The following TEFM variants were observed in gnomAD, a reference collection of about 807,000 sequenced individuals.
TEFM encodes the protein transcription elongation factor of mitochondria.
TEFM carries 14 observed loss-of-function variants against 23.0 expected under a neutral mutation model. That is an observed-to-expected ratio of 0.61 (90% CI 0.40 to 0.95). TEFM has a LOEUF of 0.95. TEFM is among the 40% of genes least tolerant of loss of function. TEFM has a pLI of 0.00. For missense variants in TEFM, 386 were observed against 425.5 expected (o/e 0.91, Z 0.82); for synonymous variants, 155 against 158.3 (o/e 0.98, Z 0.16).
chr17:30,905,557 T>C (rs1910151752), intron 1 of TEFM, among the ~76,000 whole-genome samples: 1 of 152,018 alleles, frequency 6.6e-6, no homozygotes, highest in African/African-American at 2.4e-5. Flanking sequence ...TTCACTTCCA[T>C]TTTCACATTT....
chr17:30,904,076 T>A lies in TEFM; in HGVS notation c.485A>T (p.Glu162Val), dbSNP rs371918239. Residue 162 changes from glutamate to valine, a missense_variant, in exon 2 of 4, where the codon GAA becomes GTA. Transcript: ENST00000581216. ...ACATGAAGAATATACCTTAAGTCTT[T>A]CTCTTTCTATGTCTGGTTTGAGGAG... ...RKLLKPDIER[E>V]RLKAVNSIIS... 6.6e-5 allele frequency: 107 copies of A among 1,612,632 alleles called. No homozygotes were observed. The Middle Eastern group carries it at 9.9e-4, about 15-fold the overall frequency.
At chr17:30,899,711 T>C in intron 3 of TEFM, 105 bp from the exon 4 acceptor site, 1 of 766,942 alleles carries the variant, frequency 1.3e-6, no homozygotes, top group Non-Finnish European at 1.9e-6. Context: ...AATTAGTTAA[T>C]TTATACTATA....
intron 1 of TEFM, among the ~76,000 whole-genome samples, chr17:30,905,580 T>C (rs1910152656): frequency 6.6e-6 from 1 of 152,084 alleles, no homozygotes; most frequent in African/African-American, 2.4e-5. Context: ...GTATCTCATC[T>C]GGTGGAACTA....
intron 1 of TEFM, 56 bp from the exon 2 acceptor site, chr17:30,904,585 G>A: frequency 3.0e-6 from 4 of 1,346,346 alleles, no homozygotes; most frequent in Non-Finnish European, 4.1e-6. Flanking sequence ...TTTGGGGTTA[G>A]TTGCAAGCTT....
Position 30,899,555 on chromosome 17 carries a change from T to C in TEFM, c.697A>G (p.Lys233Glu). 1 of 1,596,646 alleles carries C rather than the reference T, an allele frequency of 6.3e-7. No individual in the cohort carries two copies. The highest frequency in any genetic ancestry group is 8.5e-7 in the Non-Finnish European group (1 of 1,170,438). The part of the protein sequence containing the change: ...MPKADFYVLE[K>E]TGLSIQNSSL... The stretch of plus-strand genomic sequence containing the variant: ...GAGTTCTGAATGGAAAGTCCTGTTT[T>C]TTCCAGAACATAGAAATCTGCTTTA... Residue 233 changes from lysine (K) to glutamate (E), a missense_variant, in exon 4 of 4, where the codon AAA becomes GAA. Physicochemically the swap from Lys to Glu is moderately conservative, Grantham distance 56. Transcript: ENST00000581216.
intron 2 of TEFM, among the ~76,000 whole-genome samples, chr17:30,902,916 G>A (rs1910072439): frequency 6.6e-6 from 1 of 151,594 alleles, no homozygotes; most frequent in South Asian, 2.1e-4. Flanking sequence ...CCCGAGGCAG[G>A]TGGATCACGA....
In TEFM at chr17:30,904,974, G is replaced by C. The variant is rs998228081; in HGVS notation, c.32-445C>G. On this transcript the variant is annotated intron_variant, in intron 1 of 3. Coordinates refer to ENST00000581216, the MANE Select transcript of TEFM (RefSeq NM_024683.4). ...ATTACAGGCGTGAGCCACTGTGCCC[G>C]GCCCGAGAATCATCTTTAAAAGAGG... 1.4e-4 allele frequency among the ~76,000 whole-genome samples: 21 copies of C among 151,974 alleles called. No homozygotes were observed. The East Asian group carries it at 1.9e-3, about 14-fold the overall frequency.
rs756175462 is a variant in TEFM, at chr17:30,899,232, A to T, written c.1020T>A (p.Leu340=). 3.7e-6 allele frequency: 6 copies of T among 1,613,212 alleles called. No individual in the cohort carries two copies. ...LSTELQRVEE[L]YDSLLQAIAF... The stretch of plus-strand genomic sequence containing the variant: ...CAATAGCTTGTAATAATGAATCATA[A>T]AGCTCTTCTACTCTTTGTAGTTCAG... The change falls in exon 4 of 4, where the codon CTT becomes CTA. Residue 340 remains leucine (L), a synonymous_variant. Coordinates refer to ENST00000581216, the MANE Select transcript of TEFM (RefSeq NM_024683.4).
chr17:30,905,538 G>C (rs1235072373), intron 1 of TEFM, among the ~76,000 whole-genome samples: 1 of 147,616 alleles, frequency 6.8e-6, no homozygotes, highest in Admixed American at 6.8e-5. Context: ...AAAAAAAAAG[G>C]GTTTTGTCTT....
Position 30,899,717 on chromosome 17 carries a change from CTA to C in TEFM, c.646-113_646-112del, listed in dbSNP as rs557638244. 161 of 736,782 alleles carry C rather than the reference CTA, an allele frequency of 2.2e-4. No homozygotes were observed. In the African/African-American group the frequency reaches 2.7e-3, roughly 12 times the overall value. The allele number at this position is 736,782 out of a possible 1,614,324, so 45.6% of individuals were successfully genotyped here. On this transcript the variant is annotated intron_variant, in intron 3 of 3. Coordinates refer to ENST00000581216, the MANE Select transcript of TEFM (RefSeq NM_024683.4). ...AAATATTATAATTAGTTAATTTATA[CTA>C]TATTGACAATTTTGAAATAACTGAA...
intron 2 of TEFM, among the ~76,000 whole-genome samples, chr17:30,903,139 A>G (rs1443111785): frequency 7.7e-6 from 1 of 130,380 alleles, no homozygotes; most frequent in East Asian, 2.0e-4. Context: ...TCTGTCTCAA[A>G]AAAAAAAAAA....
chr17:30,900,595 A>G (rs750832716), intron 2 of TEFM, 33 bp from the exon 3 acceptor site: 1 of 1,589,010 alleles, frequency 6.3e-7, no homozygotes, highest in Admixed American at 1.8e-5. Context: ...TTAGAAGTAT[A>G]AACATTTTAG....
chr17:30,899,485 A>G lies in TEFM; in HGVS notation c.767T>C (p.Met256Thr). The change falls in exon 4 of 4, where the codon ATG (methionine) becomes ACG (threonine). Residue 256 changes from methionine (M) to threonine (T), a missense_variant. Coordinates refer to ENST00000581216, the MANE Select transcript of TEFM (RefSeq NM_024683.4). ...AGTTTTATTTAATAAGGCATACAGC[A>G]TGGCTTCCATGATATGAAAATGTAA... is the stretch of plus-strand genomic sequence containing the variant. ...ILLHFHIMEA[M>T]LYALLNKTFA... The G allele has an allele frequency of 6.2e-7, 1 of 1,614,182 alleles. No homozygotes were observed. Among genetic ancestry groups the G allele is most frequent in the Non-Finnish European group, 8.5e-7 (1 of 1,180,000 alleles).
chr17:30,900,492 AACTT>A lies in TEFM; in HGVS notation c.562_565del (p.Lys188Ter), dbSNP rs779475646. The A allele has an allele frequency of 3.1e-6, 5 of 1,614,218 alleles. No homozygotes were observed. Among genetic ancestry groups the A allele is most frequent in the Non-Finnish European group, 4.2e-6 (5 of 1,180,012 alleles). On this transcript the variant is annotated frameshift_variant, in exon 3 of 4. Coordinates refer to ENST00000581216, the MANE Select transcript of TEFM (RefSeq NM_024683.4). LOFTEE classifies it high-confidence loss of function. ...ACTTTGCTGCCAGTCCAGCACTGTC[AACTT>A]ACGATCAAGGTGAGCCCAGGCAATT...
Position 30,906,193 on chromosome 17 carries a change from G to A in TEFM, c.6C>T (p.Ser2=), listed in dbSNP as rs200772443. The part of the protein sequence containing the change: M[S]GSVLFTAGER... The stretch of plus-strand genomic sequence containing the variant: ...CTCCCGCCGTGAAGAGGACAGACCC[G>A]CTCATCTCCAAGTTGAATCAGTAGG... The change falls in exon 1 of 4, where the codon AGC becomes AGT. Residue 2 remains serine (S), a synonymous_variant. Coordinates refer to ENST00000581216, the MANE Select transcript of TEFM (RefSeq NM_024683.4). 6.8e-6 allele frequency: 11 copies of A among 1,614,106 alleles called. No individual in the cohort carries two copies. The highest frequency in any genetic ancestry group is 8.5e-6 in the Non-Finnish European group (10 of 1,180,044).
chr17:30,905,198 A>G (rs1910140557), intron 1 of TEFM, among the ~76,000 whole-genome samples: 1 of 152,076 alleles, frequency 6.6e-6, no homozygotes, highest in Admixed American at 6.6e-5. Context: ...AATTTAGAGG[A>G]ATCTTTTTGT....
chr17:30,899,037 A>G lies in TEFM; in HGVS notation c.*132T>C. The G allele has an allele frequency of 1.1e-6, 1 of 897,680 alleles. No homozygotes were observed. The highest frequency in any genetic ancestry group is 1.7e-6 in the Non-Finnish European group (1 of 593,872). The allele number at this position is 897,680 out of a possible 1,614,324, so 55.6% of individuals were successfully genotyped here. A position where few individuals can be genotyped will look rare whatever the true frequency, so the allele number is the denominator to read the frequency against. Reference sequence around the variant, plus strand: ...CTTGGCTTATTGTGTAAACCATTTAATAGCCAAAAGTCAGAATTTAAACAT... The same window carrying G: ...CTTGGCTTATTGTGTAAACCATTTAGTAGCCAAAAGTCAGAATTTAAACAT... On this transcript the variant is annotated 3_prime_UTR_variant, in exon 4 of 4. Transcript: ENST00000581216.
At chr17:30,903,674 C>G (rs1338859955) in intron 2 of TEFM, among the ~76,000 whole-genome samples, 2 of 152,136 alleles carry the variant, frequency 1.3e-5, no homozygotes, top group African/African-American at 2.4e-5. Context: ...ATCTTTGCTC[C>G]TTAATTTCTC....
At chr17:30,899,707 T>C in intron 3 of TEFM, 101 bp from the exon 4 acceptor site, 1 of 799,922 alleles carries the variant, frequency 1.3e-6, no homozygotes. Context: ...TTATAATTAG[T>C]TAATTTATAC....
Sources: gnomAD v4.1 joint callset for allele counts (sites outside exome capture counted in the v4.1 genomes callset) on GRCh38, gnomAD v4.1.1 for gene constraint, MANE v1.5 for transcripts, NCBI Gene and HGNC (gene_info 2026-07-23, HGNC 2026-07-21) for gene names.